The following NKD2 variants were observed in gnomAD, a reference collection of about 807,000 sequenced individuals.
NKD2 encodes protein naked cuticle homolog 2.
A neutral mutation model predicts 34.8 loss-of-function variants in NKD2; 43 were observed. The observed-to-expected ratio is 1.24, with a 90% CI of 0.97 to 1.60. The LOEUF is 1.60. Ranked by LOEUF, NKD2 falls within the 40% of genes most tolerant of loss-of-function variation. NKD2 has a pLI of 0.00. For synonymous variants in NKD2, 278 were observed against 265.1 expected (o/e 1.05, Z -0.47); for missense variants, 675 against 627.1 (o/e 1.08, Z -0.82).
intron 3 of NKD2, among the ~76,000 whole-genome samples, chr5:1,026,750 C>T (rs556263464): frequency 5.2e-5 from 8 of 152,386 alleles, no homozygotes; most frequent in South Asian, 2.1e-4. Flanking sequence ...CATTCTACCA[C>T]GTCCAGCATC....
At chr5:1,029,036 A>G (rs1756537116) in intron 3 of NKD2, among the ~76,000 whole-genome samples, 1 of 152,196 alleles carries the variant, frequency 6.6e-6, no homozygotes, top group Admixed American at 6.5e-5. Flanking sequence ...TTGCAATTAA[A>G]GCTCTTGGCC....
At chr5:1,011,561 C>T (rs1279596588) in intron 3 of NKD2, among the ~76,000 whole-genome samples, 1 of 152,312 alleles carries the variant, frequency 6.6e-6, no homozygotes, top group South Asian at 2.1e-4. Context: ...CTGGGGCCAG[C>T]GAGGGGACTC....
rs528784309 is a variant in NKD2 at position 1,038,022 on chromosome 5, G to A, written c.1005G>A (p.Lys335=). 1 of 1,608,944 alleles carries A rather than the reference G, an allele frequency of 6.2e-7. No individual in the cohort carries two copies. Among genetic ancestry groups the A allele is most frequent in the South Asian group, 1.1e-5 (1 of 90,842 alleles). Reference sequence around the variant, plus strand: ...AGAAGCAGTTCCTCAAGTCCCCCAAGGGCTCCGGGAAGCCGCCTGGGGTGC... The same window carrying A: ...AGAAGCAGTTCCTCAAGTCCCCCAAAGGCTCCGGGAAGCCGCCTGGGGTGC... ...GPEKQFLKSP[K]GSGKPPGVPA... The change falls in exon 10 of 10, where the codon AAG becomes AAA. Residue 335 remains lysine, a synonymous_variant. Coordinates refer to ENST00000296849, the MANE Select transcript of NKD2 (RefSeq NM_033120.4). The surrounding 1 kb of genome is among the most constrained non-coding windows in gnomAD (Gnocchi z 4.5).
rs574065354 is a variant in NKD2 at position 1,033,011 on chromosome 5, G to C, written c.203-361G>C. On this transcript the variant is annotated intron_variant, in intron 4 of 9. Coordinates refer to ENST00000296849, the MANE Select transcript of NKD2 (RefSeq NM_033120.4). ...GGCTCAGTGCTAGGATTCTGGAGTG[G>C]AGGGCCGGAGGGACTGTGTCTATGG... Among the ~76,000 whole-genome samples, 3 of 144,064 alleles carry C rather than the reference G, an allele frequency of 2.1e-5. No homozygotes were observed. In the South Asian group the frequency reaches 6.8e-4, roughly 33 times the overall value. The allele number at this position is 144,064 out of a possible 152,430, so 94.5% of individuals were successfully genotyped here.
intron 5 of NKD2, 73 bp downstream of exon 5, chr5:1,033,572 C>T (rs1756734098): frequency 6.8e-7 from 1 of 1,471,302 alleles, no homozygotes; most frequent in South Asian, 1.3e-5. Context: ...GCATGTGTTG[C>T]CCTAAACTGG....
At chr5:1,035,549 C>T (rs1733860997) in intron 8 of NKD2, 76 bp downstream of exon 8, 1 of 1,060,170 alleles carries the variant, frequency 9.4e-7, no homozygotes, top group South Asian at 1.4e-5. Context: ...TCCCGCAGGC[C>T]ACAGGCCACA....
At chr5:1,025,946 C>T (rs866141849) in intron 3 of NKD2, among the ~76,000 whole-genome samples, 5,360 of 66,710 alleles carry the variant, frequency 0.08, 71 homozygotes, top group Non-Finnish European at 0.12. Context: ...TCTTCCCACC[C>T]GCTGTGGGCG....
intron 9 of NKD2, 36 bp from the exon 10 acceptor site, chr5:1,037,769 A>C (rs1024183224): frequency 1.3e-6 from 2 of 1,562,480 alleles, no homozygotes; most frequent in Non-Finnish European, 1.7e-6. Context: ...CTGAGCCTGC[A>C]CTCCCAGGGC....
At chr5:1,026,367 C>T (rs1281485215) in intron 3 of NKD2, among the ~76,000 whole-genome samples, 2 of 80,546 alleles carry the variant, frequency 2.5e-5, no homozygotes, top group Admixed American at 1.4e-4. Flanking sequence ...CCTCTGTGGG[C>T]GTCTCGGCCC....
rs372206774 is a variant in NKD2, at chr5:1,033,476, G to A, written c.307G>A (p.Gly103Ser). The A allele has an allele frequency of 2.3e-5, 36 of 1,551,722 alleles. No individual in the cohort carries two copies. In the African/African-American group the frequency reaches 4.0e-4, roughly 17 times the overall value. Reference protein sequence around the residue: ...AANREGPRGPGGQRLNIDALQ... With the variant: ...AANREGPRGPSGQRLNIDALQ... ...AAACCGCGAGGGCCCGCGAGGACCG[G>A]GCGGGCAGCGCCTCAACATTGACGT... Residue 103 changes from glycine (G) to serine (S), a missense_variant, in exon 5 of 10, where the codon GGC becomes AGC. Physicochemically the swap from Gly to Ser is moderately conservative, Grantham distance 56. Transcript: ENST00000296849.
intron 9 of NKD2, 59 bp from the exon 10 acceptor site, chr5:1,037,746 A>C: frequency 6.4e-7 from 1 of 1,570,602 alleles, no homozygotes; most frequent in Non-Finnish European, 8.6e-7. Flanking sequence ...GCCGTTTCTG[A>C]GGAGATGGGA....
In NKD2 at chr5:1,035,248, AAGTGAGTGAGTTAATGAATGAGTGAACC is replaced by A. The variant is rs1434958588; in HGVS notation, c.575-133_575-106del. On this transcript the variant is annotated intron_variant, in intron 7 of 9. Coordinates refer to ENST00000296849, the MANE Select transcript of NKD2 (RefSeq NM_033120.4). Reference sequence around the variant, plus strand: ...CGAGTGAGTTAATGAATGAGTGAACAAGTGAGTGAGTTAATGAATGAGTGAACCAGTGAGTTAATGAATGAATGAATGA... The same window carrying A: ...CGAGTGAGTTAATGAATGAGTGAACAAGTGAGTTAATGAATGAATGAATGA... 8.4e-6 allele frequency: 6 copies of A among 716,924 alleles called. No individual in the cohort carries two copies. In the African/African-American group the frequency reaches 1.1e-4, roughly 13 times the overall value. The allele number at this position is 716,924 out of a possible 1,614,324, so 44.4% of individuals were successfully genotyped here. A position where few individuals can be genotyped will look rare whatever the true frequency, so the allele number is the denominator to read the frequency against.
chr5:1,024,675 G>T (rs368989508), intron 3 of NKD2, among the ~76,000 whole-genome samples: 36 of 35,380 alleles, frequency 1.0e-3, no homozygotes, highest in African/African-American at 1.5e-3. Context: ...CTTCCCACCC[G>T]CTGTGGGCGT....
chr5:1,010,204 C>T (rs571911221), intron 3 of NKD2, among the ~76,000 whole-genome samples: 2 of 152,128 alleles, frequency 1.3e-5, no homozygotes, highest in African/African-American at 4.8e-5. Flanking sequence ...GAGAACTGTC[C>T]AGGTCTGGGG....
chr5:1,034,126 C>A, intron 5 of NKD2, 109 bp from the exon 6 acceptor site: 2 of 756,348 alleles, frequency 2.6e-6, no homozygotes, highest in Non-Finnish European at 2.2e-6. Context: ...CCTTTCCTAG[C>A]TGGCATGAGG....
chr5:1,013,317 T>G (rs2150725896), intron 3 of NKD2, among the ~76,000 whole-genome samples: 1 of 152,340 alleles, frequency 6.6e-6, no homozygotes, highest in Non-Finnish European at 1.5e-5. Context: ...AGCTGCAGTG[T>G]GTCATGGCTG....
In NKD2 at chr5:1,038,373, G is replaced by C; in HGVS notation, c.1356G>C (p.Ter452TyrextTer81). 1 of 1,535,694 alleles carries C rather than the reference G, an allele frequency of 6.5e-7. No individual in the cohort carries two copies. Among genetic ancestry groups the C allele is most frequent in the Non-Finnish European group, 8.7e-7 (1 of 1,146,882 alleles). The stretch of plus-strand genomic sequence containing the variant: ...ACCACCACCACTTCCACCCGTCCTA[G>C]CGCCACTGCCAAGCACACCTCGCTC... ...HHHHHHFHPS[*>Y] The change falls in exon 10 of 10, where the codon TAG becomes TAC. Residue 452 changes from the stop codon to tyrosine (Y), a stop_lost. Transcript: ENST00000296849. This position sits in a 1 kb window ranked among gnomAD's most constrained non-coding sequence, Gnocchi z 4.5.
At position 1,009,235 on chromosome 5, in the gene NKD2, G is replaced by C; in HGVS notation, c.61+21G>C. The C allele has an allele frequency of 2.0e-6, 1 of 488,342 alleles. No individual in the cohort carries two copies. Among genetic ancestry groups the C allele is most frequent in the Non-Finnish European group, 3.6e-6 (1 of 280,676 alleles). 30.3% of individuals were successfully genotyped at this position (488,342 alleles called of 1,614,324 possible). On this transcript the variant is annotated intron_variant, in intron 2 of 9. Transcript: ENST00000296849. The surrounding 1 kb of genome is among the most constrained non-coding windows in gnomAD (Gnocchi z 6.9). ...GGAAGGTGAGCGGGCGAGCCGACGG[G>C]CGGGGCGGGGGGCGGCGACCCGGCC...
chr5:1,019,367 C>T (rs537823093), intron 3 of NKD2, among the ~76,000 whole-genome samples: 40 of 152,278 alleles, frequency 2.6e-4, no homozygotes, highest in African/African-American at 7.9e-4. Context: ...ACCTCTCACG[C>T]GGGGGTTCTC....
Sources: gnomAD v4.1 joint callset for allele counts (sites outside exome capture counted in the v4.1 genomes callset) on GRCh38, gnomAD v4.1.1 for gene constraint, Gnocchi (gnomAD v3.1) non-coding constraint, MANE v1.5 for transcripts, NCBI Gene and HGNC (gene_info 2026-07-23, HGNC 2026-07-21) for gene names.